SLCO6A1: variants seen among roughly 807,000 people sequenced by gnomAD.
The protein encoded by SLCO6A1 is cancer/testis antigen 48.
SLCO6A1 carries 65 observed loss-of-function variants against 72.7 expected under a neutral mutation model. That is an observed-to-expected ratio of 0.89 (90% CI 0.73 to 1.10). SLCO6A1 has a LOEUF of 1.10. SLCO6A1 is among the 50% of genes least tolerant of loss of function. SLCO6A1 has a pLI of 0.00. For missense variants in SLCO6A1, 874 were observed against 872.6 expected (o/e 1.00, Z -0.02); for synonymous variants, 314 against 298.2 (o/e 1.05, Z -0.55).
chr5:102,484,881 A>G (rs1034674962), intron 1 of SLCO6A1, among the ~76,000 whole-genome samples: 1 of 152,178 alleles, frequency 6.6e-6, no homozygotes, highest in African/African-American at 2.4e-5. Flanking sequence ...AGTAGTTTTT[A>G]CAAAGTTAGG....
At chr5:102,388,557 T>C (rs2112510560) in intron 12 of SLCO6A1, 131 bp downstream of exon 12, 1 of 645,734 alleles carries the variant, frequency 1.5e-6, no homozygotes, top group Non-Finnish European at 2.4e-6. Context: ...ATTTTGCAGG[T>C]TAAGCCTCCT....
chr5:102,444,527 G>A (rs1750007655), intron 6 of SLCO6A1, among the ~76,000 whole-genome samples: 1 of 152,108 alleles, frequency 6.6e-6, no homozygotes, highest in Non-Finnish European at 1.5e-5. Context: ...ATTAGCCATA[G>A]AAAATAAGTA....
At chr5:102,419,604 C>G (rs1748475636) in intron 8 of SLCO6A1, among the ~76,000 whole-genome samples, 1 of 152,100 alleles carries the variant, frequency 6.6e-6, no homozygotes, top group Non-Finnish European at 1.5e-5. Context: ...GTTTTTTCTT[C>G]ATTACTTTAC....
chr5:102,461,614 G>T (rs939879308), intron 4 of SLCO6A1, among the ~76,000 whole-genome samples: 1 of 152,008 alleles, frequency 6.6e-6, no homozygotes, highest in African/African-American at 2.4e-5. Context: ...GGAAATCTAT[G>T]GATACAGGTA....
intron 6 of SLCO6A1, among the ~76,000 whole-genome samples, chr5:102,446,399 T>G (rs554289834): frequency 3.7e-4 from 56 of 152,318 alleles, no homozygotes; most frequent in African/African-American, 1.3e-3. Flanking sequence ...GAAATGCTAC[T>G]GATTTCTGTA....
Position 102,438,641 on chromosome 5 carries a change from G to A in SLCO6A1, c.1252C>T (p.Pro418Ser). The A allele has an allele frequency of 6.3e-7, 1 of 1,591,338 alleles. No individual in the cohort carries two copies. Among genetic ancestry groups the A allele is most frequent in the Non-Finnish European group, 8.5e-7 (1 of 1,173,114 alleles). The change falls in exon 7 of 14, where the codon CCC becomes TCC. Residue 418 changes from proline (P) to serine (S), a missense_variant. Physicochemically the swap from Pro to Ser is moderately conservative, Grantham distance 74 (BLOSUM62 -1). Transcript: ENST00000506729. Reference sequence around the variant, plus strand: ...CCTGCAAGTGTAGTTGCCACAGTGGGTGTTAATATAAACTGATTTTCTAAA... The same window carrying A: ...CCTGCAAGTGTAGTTGCCACAGTGGATGTTAATATAAACTGATTTTCTAAA... ...IYLENQFILT[P>S]TVATTLAGLV...
chr5:102,442,318 A>G (rs1749878032), intron 6 of SLCO6A1, among the ~76,000 whole-genome samples: 1 of 152,108 alleles, frequency 6.6e-6, no homozygotes, highest in Admixed American at 6.5e-5. Flanking sequence ...TTGTGTGTGT[A>G]TGTGTGTGCA....
At chr5:102,447,910 G>A (rs1048373782) in intron 6 of SLCO6A1, among the ~76,000 whole-genome samples, 2 of 151,738 alleles carry the variant, frequency 1.3e-5, no homozygotes, top group African/African-American at 4.8e-5. Context: ...CTTTTCTTCT[G>A]CTACCTTTGG....
At chr5:102,396,029 G>T (rs1242277268) in intron 10 of SLCO6A1, among the ~76,000 whole-genome samples, 3 of 152,016 alleles carry the variant, frequency 2.0e-5, no homozygotes, top group Non-Finnish European at 2.9e-5. Context: ...TTGCTGTGCA[G>T]AAGCTCTTTA....
intron 9 of SLCO6A1, among the ~76,000 whole-genome samples, chr5:102,404,963 A>G (rs935032666): frequency 6.6e-6 from 1 of 152,182 alleles, no homozygotes; most frequent in Non-Finnish European, 1.5e-5. Flanking sequence ...TTAAAAGAAA[A>G]TACACATACC....
At chr5:102,460,188 A>C (rs1158877559) in intron 4 of SLCO6A1, among the ~76,000 whole-genome samples, 1 of 152,122 alleles carries the variant, frequency 6.6e-6, no homozygotes, top group Non-Finnish European at 1.5e-5. Context: ...TTGGCCCCTT[A>C]TGTTGCAGAA....
intron 1 of SLCO6A1, among the ~76,000 whole-genome samples, chr5:102,491,950 C>T: frequency 6.6e-6 from 1 of 152,234 alleles, no homozygotes; most frequent in East Asian, 1.9e-4. Flanking sequence ...GCTGGGGAGG[C>T]CTCAGGGAGG....
At chr5:102,385,236 C>T (rs1297613487) in intron 12 of SLCO6A1, among the ~76,000 whole-genome samples, 1 of 152,094 alleles carries the variant, frequency 6.6e-6, no homozygotes, top group Non-Finnish European at 1.5e-5. Flanking sequence ...AAAATTCTCT[C>T]TTGCCTTTGA....
intron 2 of SLCO6A1, among the ~76,000 whole-genome samples, chr5:102,478,314 T>C (rs141222923): frequency 1.7e-3 from 263 of 152,314 alleles, no homozygotes; most frequent in African/African-American, 5.8e-3. Context: ...CACATATTCC[T>C]CTTAAATTTG....
intron 1 of SLCO6A1, among the ~76,000 whole-genome samples, chr5:102,496,802 A>T (rs1424104296): frequency 1.3e-5 from 2 of 152,194 alleles, no homozygotes; most frequent in Non-Finnish European, 2.9e-5. Context: ...CCTAGATGAA[A>T]CCATTATCCA....
At chr5:102,477,650 A>G (rs955856314) in intron 3 of SLCO6A1, 26 bp downstream of exon 3, 9 of 1,591,272 alleles carry the variant, frequency 5.7e-6, no homozygotes, top group South Asian at 2.3e-5. Flanking sequence ...AAATGGGTCA[A>G]TCGTAATAGA....
chr5:102,389,935 T>C (rs184541131), intron 11 of SLCO6A1, among the ~76,000 whole-genome samples: 3 of 152,238 alleles, frequency 2.0e-5, no homozygotes, highest in Admixed American at 2.0e-4. Flanking sequence ...AGACACAGTC[T>C]TGTTATATTG....
chr5:102,415,019 G>A (rs1748205443), intron 8 of SLCO6A1, among the ~76,000 whole-genome samples: 1 of 151,862 alleles, frequency 6.6e-6, no homozygotes. Context: ...CAAGGTGAAA[G>A]ATCTCTATAA....
chr5:102,469,385 G>T (rs975117983), intron 4 of SLCO6A1, among the ~76,000 whole-genome samples: 2 of 152,192 alleles, frequency 1.3e-5, no homozygotes, highest in Non-Finnish European at 2.9e-5. Context: ...CACATCCCTT[G>T]TAAGTTGGAT....
Sources: gnomAD v4.1 joint callset for allele counts (sites outside exome capture counted in the v4.1 genomes callset) on GRCh38, gnomAD v4.1.1 for gene constraint, MANE v1.5 for transcripts, NCBI Gene and HGNC (gene_info 2026-07-23, HGNC 2026-07-21) for gene names.